Variants in NETO2 observed in about 807,000 individuals in gnomAD.
NETO2 encodes neuropilin and tolloid like 2.
NETO2 carries 28 observed loss-of-function variants against 62.5 expected under a neutral mutation model. The ratio of observed to expected loss-of-function variants is 0.45; its 90% CI spans 0.33 to 0.61. The LOEUF (loss-of-function observed/expected upper bound fraction) is 0.61, where lower values mean the gene tolerates loss of function less well. Among genes scored for constraint, NETO2 ranks in the 20% least tolerant of loss-of-function variants. The pLI is 0.02. For missense variants in NETO2, 548 were observed against 643.2 expected (o/e 0.85, Z 1.60); for synonymous variants, 214 against 219.1 (o/e 0.98, Z 0.21).
chr16:47,097,139 A>T (rs577135481), intron 7 of NETO2, among the ~76,000 whole-genome samples: 5 of 151,970 alleles, frequency 3.3e-5, no homozygotes, highest in Non-Finnish European at 7.4e-5. Context: ...TTTTTTTCAT[A>T]CCCTAGTGGT....
At position 47,083,264 on chromosome 16, in the gene NETO2, C is replaced by T. The variant is rs756974533; in HGVS notation, c.1535G>A (p.Gly512Glu). The T allele has an allele frequency of 8.1e-6, 13 of 1,613,682 alleles. No homozygotes were observed. The highest frequency in any genetic ancestry group is 4.2e-6 in the Non-Finnish European group (5 of 1,179,770). Residue 512 changes from glycine to glutamate, a missense_variant, in exon 9 of 9, where the codon GGG becomes GAG. Physicochemically the swap from Gly to Glu is moderately conservative, Grantham distance 98. Coordinates refer to ENST00000562435, the MANE Select transcript of NETO2 (RefSeq NM_018092.5). ...GGATGCTTGTGCAGAATCTTCTCGC[C>T]CCCTGACATAAATTTCACAGGGAAT... ...EEIPCEIYVRGREDSAQASIS... is the reference protein window; with the variant it reads ...EEIPCEIYVREREDSAQASIS...
rs981028455 is a variant in NETO2 at position 47,080,405 on chromosome 16, G to A, written c.*2816C>T. 6.6e-6 allele frequency: 1 copy of A among 152,148 alleles called. No homozygotes were observed. The highest frequency in any genetic ancestry group is 6.5e-5 in the Admixed American group (1 of 15,286). The allele number at this position is 152,148 out of a possible 1,614,324, so 9.4% of individuals were successfully genotyped here. A position where few individuals can be genotyped will look rare whatever the true frequency, so the allele number is the denominator to read the frequency against. ...TGCGTGACAGTTAATACTGTGTAATGAATTCCACAAGATTGCTAAATTTCA... is the reference window on the plus strand; with the variant it reads ...TGCGTGACAGTTAATACTGTGTAATAAATTCCACAAGATTGCTAAATTTCA... On this transcript the variant is annotated 3_prime_UTR_variant, in exon 9 of 9. Transcript: ENST00000562435.
chr16:47,111,707 G>A (rs546869634), intron 6 of NETO2, among the ~76,000 whole-genome samples: 6 of 152,234 alleles, frequency 3.9e-5, no homozygotes, highest in African/African-American at 1.2e-4. Flanking sequence ...TGGGTAGGCC[G>A]GTCTGCTCTG....
chr16:47,093,767 C>T (rs147116803), intron 7 of NETO2, among the ~76,000 whole-genome samples: 39 of 152,292 alleles, frequency 2.6e-4, no homozygotes, highest in African/African-American at 9.1e-4. Flanking sequence ...TGGAATAATA[C>T]AATGCCTTGA....
chr16:47,112,420 G>A (rs1016795963), intron 6 of NETO2, among the ~76,000 whole-genome samples: 3 of 152,138 alleles, frequency 2.0e-5, no homozygotes, highest in African/African-American at 7.2e-5. Context: ...GTTCAGTCGC[G>A]TGATCGCGGC....
intron 7 of NETO2, among the ~76,000 whole-genome samples, chr16:47,094,722 G>C (rs992371622): frequency 2.8e-5 from 4 of 143,674 alleles, no homozygotes; most frequent in Non-Finnish European, 6.1e-5. Flanking sequence ...CACCGCGCCT[G>C]GCCATTTATT....
intron 1 of NETO2, among the ~76,000 whole-genome samples, chr16:47,140,162 CT>C (rs1244758133): frequency 6.6e-6 from 1 of 152,166 alleles, no homozygotes; most frequent in Non-Finnish European, 1.5e-5. Context: ...CACAGCAACT[CT>C]GTTCTGTTGT....
At chr16:47,141,583 T>C (rs967468306) in intron 1 of NETO2, among the ~76,000 whole-genome samples, 7 of 152,170 alleles carry the variant, frequency 4.6e-5, no homozygotes, top group Admixed American at 2.6e-4. Flanking sequence ...CTGTTAACAA[T>C]TTATTGAATC....
In NETO2 at chr16:47,141,349, T is replaced by C. The variant is rs559791494; in HGVS notation, c.34+2230A>G. On this transcript the variant is annotated intron_variant, in intron 1 of 8. Coordinates refer to ENST00000562435, the MANE Select transcript of NETO2 (RefSeq NM_018092.5). ...ATAGGATAAAAGGAAAACTTCTTCATGCCTTGGGGCACACAATGAGTAGTT... is the reference window on the plus strand; with the variant it reads ...ATAGGATAAAAGGAAAACTTCTTCACGCCTTGGGGCACACAATGAGTAGTT... Among the ~76,000 whole-genome samples the C allele has an allele frequency of 2.0e-5, 3 of 152,320 alleles. No individual in the cohort carries two copies. In the East Asian group the frequency reaches 5.8e-4, roughly 29 times the overall value.
chr16:47,099,747 A>C (rs1022229770), intron 7 of NETO2, among the ~76,000 whole-genome samples: 1 of 152,226 alleles, frequency 6.6e-6, no homozygotes, highest in Admixed American at 6.5e-5. Flanking sequence ...GATCAACGCA[A>C]CAAGAGCTAA....
chr16:47,129,248 T>C lies in NETO2; in HGVS notation c.208A>G (p.Lys70Glu), dbSNP rs2151490280. ...PNYPDSYPPNKECIYILEAAP... is the reference protein window; with the variant it reads ...PNYPDSYPPNEECIYILEAAP... Reference sequence around the variant, plus strand: ...CCTTCCAAAATGTAGATACACTCCTTGTTTGGTGGATATGAGTCAGGATAA... The same window carrying C: ...CCTTCCAAAATGTAGATACACTCCTCGTTTGGTGGATATGAGTCAGGATAA... Residue 70 changes from lysine (K) to glutamate (E), a missense_variant, in exon 3 of 9, where the codon AAG becomes GAG. Physicochemically the swap from Lys to Glu is moderately conservative, Grantham distance 56. Coordinates refer to ENST00000562435, the MANE Select transcript of NETO2 (RefSeq NM_018092.5). The C allele has an allele frequency of 6.2e-7, 1 of 1,614,048 alleles. No individual in the cohort carries two copies. The highest frequency in any genetic ancestry group is 8.5e-7 in the Non-Finnish European group (1 of 1,179,934).
chr16:47,131,991 A>G lies in NETO2; in HGVS notation c.69T>C (p.Ile23=), dbSNP rs754710156. 1 of 1,612,908 alleles carries G rather than the reference A, an allele frequency of 6.2e-7. No individual in the cohort carries two copies. Among genetic ancestry groups the G allele is most frequent in the Non-Finnish European group, 8.5e-7 (1 of 1,179,106 alleles). ...LLITVLVVEG[I]AVAQKTQDGQ... ...TACCTTGGGTTTTTTGGGCCACGGC[A>G]ATCCCTTCCACTACCAGTACTGTTA... Residue 23 remains isoleucine, a synonymous_variant, in exon 2 of 9, where the codon ATT becomes ATC. Transcript: ENST00000562435.
At chr16:47,085,785 C>G (rs969595078) in intron 8 of NETO2, among the ~76,000 whole-genome samples, 4 of 152,014 alleles carry the variant, frequency 2.6e-5, no homozygotes, top group African/African-American at 7.2e-5. Context: ...TTTAAAAGAA[C>G]ATTTACATGT....
chr16:47,108,322 T>C (rs917877363), intron 7 of NETO2, among the ~76,000 whole-genome samples: 2 of 152,072 alleles, frequency 1.3e-5, no homozygotes, highest in African/African-American at 2.4e-5. Flanking sequence ...TTAGAAGATA[T>C]TGGCATAGTC....
intron 4 of NETO2, among the ~76,000 whole-genome samples, chr16:47,125,956 TG>T (rs1366957652): frequency 2.0e-5 from 3 of 152,186 alleles, no homozygotes; most frequent in African/African-American, 7.2e-5. Context: ...CATCCCAAGC[TG>T]AAAGTCTACA....
chr16:47,123,647 A>T (rs1488035845), intron 4 of NETO2, among the ~76,000 whole-genome samples: 1 of 150,442 alleles, frequency 6.6e-6, no homozygotes, highest in Non-Finnish European at 1.5e-5. Context: ...CAGCCAGAAT[A>T]AAAAAAATTG....
At position 47,109,525 on chromosome 16, in the gene NETO2, G is replaced by A. The variant is rs2143899702; in HGVS notation, c.841C>T (p.Arg281Trp). Residue 281 changes from arginine to tryptophan, a missense_variant, in exon 7 of 9, where the codon CGG becomes TGG. By Grantham distance (101) the Arg-to-Trp change is moderately radical. Coordinates refer to ENST00000562435, the MANE Select transcript of NETO2 (RefSeq NM_018092.5). ...VIRMWADEGS[R>W]LSRFRMLFTS... is the part of the protein sequence containing the mutation. ...AAGAGCATTCGAAACCTGCTAAGCC[G>A]ACTACCTTCATCTGCCCACATTCGA... is the stretch of plus-strand genomic sequence containing the variant. The A allele has an allele frequency of 3.1e-6, 5 of 1,614,008 alleles. No individual in the cohort carries two copies. Among genetic ancestry groups the A allele is most frequent in the Admixed American group, 1.7e-5 (1 of 60,006 alleles).
intron 1 of NETO2, among the ~76,000 whole-genome samples, chr16:47,136,801 T>G (rs1964368987): frequency 6.6e-6 from 1 of 151,802 alleles, no homozygotes; most frequent in African/African-American, 2.4e-5. Flanking sequence ...TTCTTTGAAA[T>G]AAAAATAGAT....
chr16:47,125,727 GT>G (rs762234834), intron 4 of NETO2, among the ~76,000 whole-genome samples: 1 of 152,022 alleles, frequency 6.6e-6, no homozygotes, highest in Non-Finnish European at 1.5e-5. Context: ...GTGTTGCTCT[GT>G]CATCCAGGCT....
Sources: gnomAD v4.1 joint callset for allele counts (sites outside exome capture counted in the v4.1 genomes callset) on GRCh38, gnomAD v4.1.1 for gene constraint, MANE v1.5 for transcripts, NCBI Gene and HGNC (gene_info 2026-07-23, HGNC 2026-07-21) for gene names.